The following CHRM3 variants were observed in gnomAD, a reference collection of about 807,000 sequenced individuals.
CHRM3 encodes the protein cholinergic receptor muscarinic 3.
A neutral mutation model predicts 41.8 loss-of-function variants in CHRM3; 11 were observed. The ratio of observed to expected loss-of-function variants is 0.26; its 90% CI spans 0.17 to 0.44. The LOEUF is 0.44. Among genes scored for constraint, CHRM3 ranks in the 20% least tolerant of loss-of-function variants. CHRM3 has a pLI of 1.00. For missense variants in CHRM3, 571 were observed against 745.4 expected, an observed-to-expected ratio of 0.77 and a Z score of 2.72; for synonymous variants, 297 against 301.4, an observed-to-expected ratio of 0.99 and a Z score of 0.15.
rs1310461706 is a variant in CHRM3, at chr1:239,773,684, AC to A, written c.-146-53567del. Among the ~76,000 whole-genome samples, 3 of 152,196 alleles carry A rather than the reference AC, an allele frequency of 2.0e-5. No homozygotes were observed. In the East Asian group the frequency reaches 5.8e-4, roughly 29 times the overall value. On this transcript the variant is annotated intron_variant, in intron 5 of 6. Coordinates refer to ENST00000676153, the MANE Select transcript of CHRM3 (RefSeq NM_001375978.1). ...GTCCTACCTTCCATTGGCCCCTCAC[AC>A]TTGGCCCTTTAGCTATCAATCACTA...
intron 5 of CHRM3, among the ~76,000 whole-genome samples, chr1:239,745,659 C>G (rs1437834961): frequency 6.6e-6 from 1 of 151,996 alleles, no homozygotes; most frequent in East Asian, 1.9e-4. Flanking sequence ...CCCCACCACC[C>G]TTTAGAAGTA....
chr1:239,881,241 C>CG, intron 6 of CHRM3, among the ~76,000 whole-genome samples: 1 of 133,990 alleles, frequency 7.5e-6, no homozygotes, highest in East Asian at 2.5e-4. Context: ...CGAGATCCCG[C>CG]CCCTGCACTC....
chr1:239,750,639 C>A (rs1665732700), intron 5 of CHRM3, among the ~76,000 whole-genome samples: 1 of 152,164 alleles, frequency 6.6e-6, no homozygotes, highest in African/African-American at 2.4e-5. Context: ...AGAGTTTCAG[C>A]CAATCAAAGG....
chr1:239,434,531 G>A (rs566595722), intron 1 of CHRM3, among the ~76,000 whole-genome samples: 9 of 152,216 alleles, frequency 5.9e-5, no homozygotes, highest in South Asian at 2.1e-4. Context: ...TATGATAACC[G>A]TGTTGGTTTC....
chr1:239,640,089 C>G (rs1424258581), intron 4 of CHRM3, among the ~76,000 whole-genome samples: 3 of 151,752 alleles, frequency 2.0e-5, no homozygotes, highest in Admixed American at 1.3e-4. Context: ...ATATATTGAA[C>G]CAGCCTTGCA....
intron 5 of CHRM3, among the ~76,000 whole-genome samples, chr1:239,795,549 C>T (rs1207627452): frequency 1.3e-5 from 2 of 152,186 alleles, no homozygotes; most frequent in African/African-American, 4.8e-5. Context: ...TCCTTGTAAA[C>T]TGTCCAAATA....
intron 5 of CHRM3, among the ~76,000 whole-genome samples, chr1:239,739,939 T>G (rs1405399205): frequency 6.6e-6 from 1 of 152,104 alleles, no homozygotes; most frequent in East Asian, 1.9e-4. Flanking sequence ...AGGAGAGGTG[T>G]CCAGGGAGAT....
chr1:239,858,548 T>C (rs1344841171), intron 6 of CHRM3, among the ~76,000 whole-genome samples: 1 of 151,976 alleles, frequency 6.6e-6, no homozygotes, highest in Non-Finnish European at 1.5e-5. Flanking sequence ...AGAATAATTG[T>C]ACTTGCCTCT....
In CHRM3 at chr1:239,563,590, G is replaced by A. The variant is rs1324406717; in HGVS notation, c.-313+17841G>A. The stretch of plus-strand genomic sequence containing the variant: ...GGTTCACAGAATCTAGATTTTTTTT[G>A]TTTGTACTACAGCAGCGATTTGTTT... On this transcript the variant is annotated intron_variant, in intron 3 of 6. Coordinates refer to ENST00000676153, the MANE Select transcript of CHRM3 (RefSeq NM_001375978.1). 2.0e-5 allele frequency among the ~76,000 whole-genome samples: 3 copies of A among 151,722 alleles called. No individual in the cohort carries two copies. In the East Asian group the frequency reaches 5.8e-4, roughly 29 times the overall value.
chr1:239,523,549 T>G (rs908355291), intron 2 of CHRM3, among the ~76,000 whole-genome samples: 3 of 152,204 alleles, frequency 2.0e-5, no homozygotes, highest in African/African-American at 4.8e-5. Context: ...TTGTCCCCAG[T>G]GTGTAAAAAT....
chr1:239,645,258 C>T (rs564955721), intron 4 of CHRM3, among the ~76,000 whole-genome samples: 3 of 152,210 alleles, frequency 2.0e-5, no homozygotes, highest in Non-Finnish European at 4.4e-5. Flanking sequence ...CTGCCAGACA[C>T]TGTAGTCTGA....
At chr1:239,882,736 G>A (rs1677748024) in intron 6 of CHRM3, among the ~76,000 whole-genome samples, 1 of 152,216 alleles carries the variant, frequency 6.6e-6, no homozygotes, top group South Asian at 2.1e-4. Context: ...CATATCTTTA[G>A]AATATCATAT....
chr1:239,781,548 A>G (rs1011465355), intron 5 of CHRM3, among the ~76,000 whole-genome samples: 1 of 152,096 alleles, frequency 6.6e-6, no homozygotes, highest in Non-Finnish European at 1.5e-5. Context: ...TGGATTTCCT[A>G]CATAGATGAT....
rs563867250 is a variant in CHRM3, at chr1:239,852,100, C to G, written c.-20+24722C>G. On this transcript the variant is annotated intron_variant, in intron 6 of 6. Coordinates refer to ENST00000676153, the MANE Select transcript of CHRM3 (RefSeq NM_001375978.1). ...GAAACATGAGACAGCAGGTCCAATT[C>G]AACTCCAATAAACTCTCTTCTATTT... 6.6e-5 allele frequency among the ~76,000 whole-genome samples: 10 copies of G among 152,236 alleles called. No individual in the cohort carries two copies. The South Asian group carries it at 1.7e-3, about 25-fold the overall frequency.
At chr1:239,808,825 G>C (rs893728501) in intron 5 of CHRM3, among the ~76,000 whole-genome samples, 1 of 152,118 alleles carries the variant, frequency 6.6e-6, no homozygotes, top group African/African-American at 2.4e-5. Context: ...AGAAACGACT[G>C]CTTGTATTGG....
rs1249849076 is a variant in CHRM3 at position 239,584,324 on chromosome 1, G to A, written c.-313+38575G>A. Among the ~76,000 whole-genome samples, 4 of 151,798 alleles carry A rather than the reference G, an allele frequency of 2.6e-5. No homozygotes were observed. In the East Asian group the frequency reaches 7.8e-4, roughly 30 times the overall value. ...TTGCCATGCTGGCCAGGCTGGTCTC[G>A]AACACCTGATCTCAAGTGATCTGCC... On this transcript the variant is annotated intron_variant, in intron 3 of 6. Coordinates refer to ENST00000676153, the MANE Select transcript of CHRM3 (RefSeq NM_001375978.1).
chr1:239,547,317 G>A (rs10802774), intron 3 of CHRM3, among the ~76,000 whole-genome samples: 2 of 151,984 alleles, frequency 1.3e-5, no homozygotes, highest in Non-Finnish European at 2.9e-5. Flanking sequence ...GCTTTAGTTT[G>A]CACATTTGTA....
intron 5 of CHRM3, among the ~76,000 whole-genome samples, chr1:239,764,187 C>G (rs1351696741): frequency 2.0e-5 from 3 of 151,772 alleles, no homozygotes; most frequent in Non-Finnish European, 4.4e-5. Context: ...GTAATTTGTC[C>G]TACTGTGCCA....
chr1:239,598,857 C>T (rs1665134797), intron 3 of CHRM3, among the ~76,000 whole-genome samples: 1 of 151,930 alleles, frequency 6.6e-6, no homozygotes, highest in East Asian at 2.0e-4. Flanking sequence ...CTCCCACCCC[C>T]ACCCCAAACC....
Sources: gnomAD v4.1 joint callset for allele counts (sites outside exome capture counted in the v4.1 genomes callset) on GRCh38, gnomAD v4.1.1 for gene constraint, MANE v1.5 for transcripts, NCBI Gene and HGNC (gene_info 2026-07-23, HGNC 2026-07-21) for gene names.